Variants in SLC30A8 observed in about 807,000 individuals in gnomAD.
SLC30A8 encodes solute carrier family 30 member 8.
SLC30A8 carries 27 observed loss-of-function variants against 36.9 expected under a neutral mutation model. That is an observed-to-expected ratio of 0.73 (90% CI 0.54 to 1.01). The LOEUF (loss-of-function observed/expected upper bound fraction) is 1.01, where lower values mean the gene tolerates loss of function less well. SLC30A8 is among the 50% of genes least tolerant of loss of function. SLC30A8 has a pLI of 0.00. For synonymous variants in SLC30A8, 164 were observed against 172.4 expected (o/e 0.95, Z 0.38); for missense variants, 439 against 452.0 (o/e 0.97, Z 0.26).
chr8:116,983,592 C>G (rs1815346118), intron 1 of SLC30A8, among the ~76,000 whole-genome samples: 1 of 152,110 alleles, frequency 6.6e-6, no homozygotes, highest in African/African-American at 2.4e-5. Context: ...TAACTTTTAT[C>G]AACACGAAAT....
chr8:117,147,281 C>T (rs992808867), intron 2 of SLC30A8, 128 bp downstream of exon 2: 64 of 742,692 alleles, frequency 8.6e-5, no homozygotes, highest in Non-Finnish European at 1.2e-4. Flanking sequence ...ACAATATGCT[C>T]ATTGTAGATA....
chr8:117,146,055 T>A (rs995486772), intron 1 of SLC30A8, among the ~76,000 whole-genome samples: 1 of 152,098 alleles, frequency 6.6e-6, no homozygotes, highest in African/African-American at 2.4e-5. Context: ...GTTTGATAGA[T>A]CTGTGAGATG....
At chr8:117,054,030 T>C (rs937405733) in intron 2 of SLC30A8, among the ~76,000 whole-genome samples, 19 of 152,060 alleles carry the variant, frequency 1.2e-4, no homozygotes, top group African/African-American at 4.6e-4. Context: ...ATTACAGATA[T>C]GTGAGAATAT....
chr8:117,163,039 A>G (rs1822875371), intron 5 of SLC30A8, among the ~76,000 whole-genome samples: 2 of 152,268 alleles, frequency 1.3e-5, no homozygotes, highest in African/African-American at 4.8e-5. Flanking sequence ...TCTTCTGCTC[A>G]TTATAATTAA....
At chr8:117,166,901 G>T (rs1823085595) in intron 6 of SLC30A8, among the ~76,000 whole-genome samples, 1 of 150,970 alleles carries the variant, frequency 6.6e-6, no homozygotes, top group African/African-American at 2.4e-5. Context: ...TTTGTTCTTG[G>T]TGGTCACTAT....
chr8:117,042,430 G>A (rs1817412730), intron 2 of SLC30A8, among the ~76,000 whole-genome samples: 1 of 152,144 alleles, frequency 6.6e-6, no homozygotes, highest in African/African-American at 2.4e-5. Context: ...TAACAGGCAG[G>A]GTTATTTGGA....
chr8:117,056,982 C>T (rs550477973), intron 2 of SLC30A8, among the ~76,000 whole-genome samples: 1 of 152,156 alleles, frequency 6.6e-6, no homozygotes, highest in South Asian at 2.1e-4. Context: ...GCCACAGAAT[C>T]TCACTTGTAT....
At chr8:117,133,346 A>C (rs992049885), upstream of SLC30A8, among the ~76,000 whole-genome samples, 1 of 151,948 alleles carries the variant, frequency 6.6e-6, no homozygotes, top group Non-Finnish European at 1.5e-5. Context: ...GGCAATCCAC[A>C]TTAACTACCT....
intron 1 of SLC30A8, among the ~76,000 whole-genome samples, chr8:117,016,851 T>G (rs1036582939): frequency 7.2e-5 from 11 of 152,210 alleles, no homozygotes; most frequent in Non-Finnish European, 1.5e-4. Context: ...GTTATGATGA[T>G]ACTGCCATTC....
intron 1 of SLC30A8, among the ~76,000 whole-genome samples, chr8:116,988,657 T>C (rs777224113): frequency 4.6e-5 from 7 of 152,246 alleles, no homozygotes; most frequent in Non-Finnish European, 8.8e-5. Flanking sequence ...CTTAGAACAA[T>C]TGTCAAAGAC....
intron 2 of SLC30A8, among the ~76,000 whole-genome samples, chr8:117,045,903 G>C (rs927527851): frequency 2.0e-5 from 3 of 151,292 alleles, no homozygotes; most frequent in Admixed American, 1.3e-4. Context: ...TTTTCAAGGA[G>C]AGCCTGGGCA....
At chr8:117,044,544 C>T (rs949439364) in intron 2 of SLC30A8, among the ~76,000 whole-genome samples, 1 of 152,212 alleles carries the variant, frequency 6.6e-6, no homozygotes, top group Non-Finnish European at 1.5e-5. Flanking sequence ...GGGTCGACTG[C>T]TTCCCTAAGG....
intron 1 of SLC30A8, among the ~76,000 whole-genome samples, chr8:117,012,969 A>T (rs1244182298): frequency 6.6e-6 from 1 of 152,066 alleles, no homozygotes; most frequent in Non-Finnish European, 1.5e-5. Context: ...TGACTGCCTC[A>T]TTCTAATGGG....
intron 2 of SLC30A8, among the ~76,000 whole-genome samples, chr8:117,049,941 T>C (rs1817659590): frequency 6.6e-6 from 1 of 152,194 alleles, no homozygotes; most frequent in Non-Finnish European, 1.5e-5. Context: ...GGGATCTATT[T>C]TAAAGTGTTT....
At chr8:116,981,589 C>A (rs1721145422) in intron 1 of SLC30A8, among the ~76,000 whole-genome samples, 1 of 152,024 alleles carries the variant, frequency 6.6e-6, no homozygotes, top group Non-Finnish European at 1.5e-5. Flanking sequence ...TCAAGCAGGT[C>A]CTAGTATCTG....
At chr8:117,008,635 G>A (rs992700642) in intron 1 of SLC30A8, among the ~76,000 whole-genome samples, 1 of 152,286 alleles carries the variant, frequency 6.6e-6, no homozygotes, top group South Asian at 2.1e-4. Context: ...TGAGTTTATA[G>A]ATGTTCCTGA....
intron 2 of SLC30A8, among the ~76,000 whole-genome samples, chr8:117,080,855 A>G (rs1563583296): frequency 6.6e-6 from 1 of 152,148 alleles, no homozygotes; most frequent in Non-Finnish European, 1.5e-5. Context: ...TATACTTAGT[A>G]GTGGGATTGC....
At chr8:117,035,426 A>G (rs1817182376) in intron 1 of SLC30A8, among the ~76,000 whole-genome samples, 1 of 152,244 alleles carries the variant, frequency 6.6e-6, no homozygotes, top group African/African-American at 2.4e-5. Context: ...ATCTCCTTTG[A>G]TTCCATGTAT....
intron 1 of SLC30A8, among the ~76,000 whole-genome samples, chr8:116,990,418 TATC>T (rs1371781920): frequency 1.3e-5 from 2 of 152,204 alleles, no homozygotes; most frequent in Non-Finnish European, 2.9e-5. Context: ...TACTTTCCGA[TATC>T]ATGTAGCCTC....
Sources: gnomAD v4.1 joint callset for allele counts (sites outside exome capture counted in the v4.1 genomes callset) on GRCh38, gnomAD v4.1.1 for gene constraint, MANE v1.5 for transcripts, NCBI Gene and HGNC (gene_info 2026-07-23, HGNC 2026-07-21) for gene names.